ZPBP: variants seen among roughly 807,000 people sequenced by gnomAD.
ZPBP encodes the protein zona pellucida binding protein.
ZPBP carries 26 observed loss-of-function variants against 44.8 expected under a neutral mutation model. The observed-to-expected ratio is 0.58, with a 90% CI of 0.43 to 0.81. ZPBP has a LOEUF of 0.81. Ranked by LOEUF, ZPBP falls within the 30% of genes least tolerant of loss-of-function variation. The pLI, the probability that ZPBP is intolerant of heterozygous loss-of-function variation, is 0.00. For missense variants in ZPBP, 409 were observed against 434.0 expected, an observed-to-expected ratio of 0.94 and a Z score of 0.51; for synonymous variants, 174 against 153.2, an observed-to-expected ratio of 1.14 and a Z score of -1.00.
chr7:49,981,165 AAT>A, intron 7 of ZPBP, among the ~76,000 whole-genome samples: 1 of 139,126 alleles, frequency 7.2e-6, no homozygotes, highest in African/African-American at 2.6e-5. Flanking sequence ...ACTGGTTTTA[AAT>A]ATCAGTGATT....
intron 3 of ZPBP, among the ~76,000 whole-genome samples, chr7:50,060,220 G>T (rs997750850): frequency 1.4e-4 from 21 of 152,250 alleles, no homozygotes; most frequent in African/African-American, 5.1e-4. Context: ...GCGGGGACAA[G>T]ACTCCACTGC....
At chr7:50,092,859 A>G in intron 1 of ZPBP, 3 of 693,430 alleles carry the variant, frequency 4.3e-6, no homozygotes, top group African/African-American at 1.9e-5. Context: ...TGATCCATCT[A>G]TACCTTAATT....
intron 7 of ZPBP, among the ~76,000 whole-genome samples, chr7:49,966,712 C>G (rs763021377): frequency 2.0e-5 from 3 of 152,052 alleles, no homozygotes; most frequent in Non-Finnish European, 4.4e-5. Flanking sequence ...ATTTTTTACC[C>G]AAAAGACACA....
chr7:50,019,195 C>G (rs1017199637), intron 5 of ZPBP, among the ~76,000 whole-genome samples: 1 of 152,042 alleles, frequency 6.6e-6, no homozygotes, highest in African/African-American at 2.4e-5. Context: ...TTTACCCCAG[C>G]AATGAAAATC....
At chr7:50,055,138 T>C (rs544435067) in intron 4 of ZPBP, among the ~76,000 whole-genome samples, 10 of 152,264 alleles carry the variant, frequency 6.6e-5, no homozygotes, top group African/African-American at 2.2e-4. Context: ...TCTTACAAAA[T>C]ACAGCAATGT....
At chr7:50,037,442 G>T (rs1458814833) in intron 4 of ZPBP, among the ~76,000 whole-genome samples, 3 of 152,218 alleles carry the variant, frequency 2.0e-5, no homozygotes, top group Admixed American at 1.3e-4. Flanking sequence ...TCACAGTTCT[G>T]CAGGCTGTAC....
Position 49,977,073 on chromosome 7 carries a change from G to A in ZPBP, c.961+6269C>T, listed in dbSNP as rs191999414. 2.4e-3 allele frequency among the ~76,000 whole-genome samples: 339 copies of A among 140,350 alleles called. 8 individuals carry two copies. The East Asian group carries it at 0.045, about 19-fold the overall frequency. 92.1% of individuals were successfully genotyped at this position (140,350 alleles called of 152,430 possible). A position where few individuals can be genotyped will look rare whatever the true frequency, so the allele number is the denominator to read the frequency against. On this transcript the variant is annotated intron_variant, in intron 7 of 7. Transcript: ENST00000046087. ...GCCGAGATCCCGCCACTGCACTCCA[G>A]CCTGGGCGACAGAGCAAGACTCCGT... is the stretch of plus-strand genomic sequence containing the variant.
At chr7:49,899,516 T>C (rs1335369542) in intron 2 of ZPBP, among the ~76,000 whole-genome samples, 1 of 151,910 alleles carries the variant, frequency 6.6e-6, no homozygotes, top group African/African-American at 2.4e-5. Flanking sequence ...AAATAAAGGA[T>C]AAGTAGCTAT....
intron 6 of ZPBP, among the ~76,000 whole-genome samples, chr7:49,985,660 AC>A (rs10711498): frequency 0.31 from 40,655 of 130,876 alleles, 6,025 homozygotes; most frequent in Non-Finnish European, 0.39. Context: ...AAAAAAAAAA[AC>A]CTAAATGAAG....
intron 6 of ZPBP, among the ~76,000 whole-genome samples, chr7:50,000,931 G>C (rs1264911219): frequency 6.6e-6 from 1 of 151,990 alleles, no homozygotes; most frequent in Non-Finnish European, 1.5e-5. Context: ...GGTAAAATGA[G>C]GCCATTAAAG....
At chr7:49,881,558 T>A (rs1043950305) in intron 2 of ZPBP, among the ~76,000 whole-genome samples, 8 of 152,152 alleles carry the variant, frequency 5.3e-5, no homozygotes, top group African/African-American at 1.9e-4. Flanking sequence ...GCTCAAGATA[T>A]GTGTTATTAG....
chr7:50,005,738 A>G (rs1351181847), intron 6 of ZPBP, among the ~76,000 whole-genome samples: 1 of 151,960 alleles, frequency 6.6e-6, no homozygotes, highest in East Asian at 1.9e-4. Flanking sequence ...TCTAAGACGT[A>G]CAAAAAACCC....
intron 5 of ZPBP, among the ~76,000 whole-genome samples, chr7:50,019,990 G>T (rs1799011024): frequency 6.6e-6 from 1 of 151,546 alleles, no homozygotes. Flanking sequence ...GGAGGTTGCA[G>T]TAAGCTGAGA....
At chr7:49,916,257 C>T (rs948996095) in intron 1 of ZPBP, 1 of 152,198 alleles carries the variant, frequency 6.6e-6, no homozygotes, top group African/African-American at 2.4e-5. Context: ...AGACTGGTGT[C>T]TTCACAATTA....
intron 5 of ZPBP, among the ~76,000 whole-genome samples, chr7:50,029,961 T>C (rs1799526586): frequency 6.6e-6 from 1 of 152,168 alleles, no homozygotes; most frequent in South Asian, 2.1e-4. Flanking sequence ...GTTCAAGTGA[T>C]TCTCCTGCCT....
At chr7:50,051,280 A>G (rs1403314219) in intron 4 of ZPBP, among the ~76,000 whole-genome samples, 1 of 152,186 alleles carries the variant, frequency 6.6e-6, no homozygotes, top group African/African-American at 2.4e-5. Flanking sequence ...AGGTCAAGAA[A>G]TAACAGATGC....
intron 7 of ZPBP, chr7:49,944,315 T>C: frequency 3.7e-6 from 1 of 271,410 alleles, no homozygotes; most frequent in South Asian, 4.6e-5. Flanking sequence ...CCTGTACATA[T>C]TCAGGCCTGA....
chr7:50,086,847 C>G (rs1802680880), intron 2 of ZPBP, among the ~76,000 whole-genome samples: 1 of 151,938 alleles, frequency 6.6e-6, no homozygotes, highest in African/African-American at 2.4e-5. Flanking sequence ...TCAATTAACT[C>G]CAATTATGAT....
At chr7:50,063,064 T>C (rs1213921176) in intron 3 of ZPBP, among the ~76,000 whole-genome samples, 4 of 152,188 alleles carry the variant, frequency 2.6e-5, no homozygotes, top group African/African-American at 4.8e-5. Context: ...GAGACATGCA[T>C]TACATCATTT....
Sources: gnomAD v4.1 joint callset for allele counts (sites outside exome capture counted in the v4.1 genomes callset) on GRCh38, gnomAD v4.1.1 for gene constraint, MANE v1.5 for transcripts, NCBI Gene and HGNC (gene_info 2026-07-23, HGNC 2026-07-21) for gene names.